The following TULP4 variants were observed in gnomAD, a reference collection of about 807,000 sequenced individuals.
The protein encoded by TULP4 is TUB like protein 4, also known as tubby-related protein 4.
TULP4 carries 16 observed loss-of-function variants against 129.0 expected under a neutral mutation model. The observed-to-expected ratio is 0.12, with a 90% CI of 0.08 to 0.19. The LOEUF is 0.19. Among genes scored for constraint, TULP4 ranks in the 10% least tolerant of loss-of-function variants. TULP4 has a pLI of 1.00. For missense variants in TULP4, 1,842 were observed against 2,059.1 expected (o/e 0.89, Z 2.04); for synonymous variants, 998 against 854.0 (o/e 1.17, Z -2.94).
chr6:158,409,419 GA>G, intron 1 of TULP4, among the ~76,000 whole-genome samples: 1 of 152,326 alleles, frequency 6.6e-6, no homozygotes, highest in East Asian at 1.9e-4. Flanking sequence ...CCCCAAGACA[GA>G]AGTTCTTTGG....
chr6:158,265,655 C>G (rs1262186913), intron 1 of TULP4, among the ~76,000 whole-genome samples: 3 of 150,840 alleles, frequency 2.0e-5, no homozygotes, highest in Non-Finnish European at 4.4e-5. Context: ...GCACTCCAGC[C>G]TGGTGACAGA....
At chr6:158,328,418 A>G (rs1779798218) in intron 1 of TULP4, among the ~76,000 whole-genome samples, 1 of 152,046 alleles carries the variant, frequency 6.6e-6, no homozygotes, top group African/African-American at 2.4e-5. Context: ...GATTCTATGT[A>G]TTTGGCTTTT....
chr6:158,372,020 G>T (rs563076982), intron 1 of TULP4, among the ~76,000 whole-genome samples: 1 of 151,726 alleles, frequency 6.6e-6, no homozygotes, highest in East Asian at 1.9e-4. Flanking sequence ...TCTCCATGTC[G>T]CCCAGGCTGG....
chr6:158,444,496 A>C (rs898699964), intron 3 of TULP4, among the ~76,000 whole-genome samples: 4 of 152,116 alleles, frequency 2.6e-5, no homozygotes, highest in Admixed American at 6.5e-5. Flanking sequence ...CCAATACTAC[A>C]AATTAAACTC....
At chr6:158,430,234 G>A (rs1778597506) in intron 3 of TULP4, among the ~76,000 whole-genome samples, 1 of 152,018 alleles carries the variant, frequency 6.6e-6, no homozygotes. Context: ...ATAGGAAATG[G>A]GATGTTTGGT....
intron 1 of TULP4, among the ~76,000 whole-genome samples, chr6:158,270,556 C>T (rs1304459422): frequency 6.6e-6 from 1 of 152,114 alleles, no homozygotes; most frequent in East Asian, 1.9e-4. Context: ...GTACCGGGGC[C>T]GGTGATGGGC....
At chr6:158,339,340 G>GTGGGAT (rs1780122677) in intron 1 of TULP4, among the ~76,000 whole-genome samples, 1 of 152,150 alleles carries the variant, frequency 6.6e-6, no homozygotes, top group Non-Finnish European at 1.5e-5. Flanking sequence ...GAAGGTCAGG[G>GTGGGAT]CGGGATCACA....
intron 1 of TULP4, among the ~76,000 whole-genome samples, chr6:158,253,622 C>CAGT (rs1778186450): frequency 6.6e-6 from 1 of 151,582 alleles, no homozygotes; most frequent in Non-Finnish European, 1.5e-5. Flanking sequence ...CATGGGTGAC[C>CAGT]AGTAGTAGCT....
intron 1 of TULP4, among the ~76,000 whole-genome samples, chr6:158,348,343 C>T (rs944960367): frequency 5.9e-5 from 9 of 151,816 alleles, no homozygotes; most frequent in Admixed American, 3.3e-4. Context: ...GTGTTTGTGT[C>T]CCTGGGTACT....
At chr6:158,242,047 A>G (rs1208292726) in intron 1 of TULP4, 2 of 794,268 alleles carry the variant, frequency 2.5e-6, no homozygotes, top group African/African-American at 1.7e-5. Context: ...TAGTAACCCT[A>G]CATCCGTTGG....
chr6:158,344,102 C>T (rs893648567), intron 1 of TULP4, among the ~76,000 whole-genome samples: 2 of 152,154 alleles, frequency 1.3e-5, no homozygotes, highest in Non-Finnish European at 2.9e-5. Flanking sequence ...TCTCCTCCAC[C>T]CTTAAGAATG....
At chr6:158,501,414 G>T (rs1780440337) in intron 12 of TULP4, among the ~76,000 whole-genome samples, 1 of 152,162 alleles carries the variant, frequency 6.6e-6, no homozygotes, top group South Asian at 2.1e-4. Flanking sequence ...TGAGGCACTG[G>T]TGCCAAGTTT....
At chr6:158,392,108 G>T (rs977076663) in intron 1 of TULP4, among the ~76,000 whole-genome samples, 1 of 152,180 alleles carries the variant, frequency 6.6e-6, no homozygotes, top group Non-Finnish European at 1.5e-5. Context: ...CACATGGCTA[G>T]GGAGGCCTCA....
In TULP4 at chr6:158,314,122, T is replaced by G; in HGVS notation, c.106T>G (p.Cys36Gly). The G allele has an allele frequency of 6.2e-7, 1 of 1,614,200 alleles. No individual in the cohort carries two copies. The change falls in exon 1 of 14, where the codon TGC becomes GGC. Residue 36 changes from cysteine to glycine, a missense_variant. Cys to Gly is a radical substitution (Grantham distance 159). Around this residue, in one of 5 missense-constraint regions of TULP4, gnomAD observed 151 missense variants for 268.7 expected, o/e 0.56. Coordinates refer to ENST00000367097, the MANE Select transcript of TULP4 (RefSeq NM_020245.5). ...CAAGAGTGAGAAGGAGAAGCCTGTG[T>G]GCAGGAGACGCTACTATGAGGAAGG... The part of the protein sequence containing the change: ...VPKSEKEKPV[C>G]RRRYYEEGWL...
chr6:158,448,992 G>A lies in TULP4; in HGVS notation c.544-4G>A. 1 of 1,603,942 alleles carries A rather than the reference G, an allele frequency of 6.2e-7. No homozygotes were observed. Among genetic ancestry groups the A allele is most frequent in the Non-Finnish European group, 8.5e-7 (1 of 1,173,128 alleles). On this transcript the variant is annotated splice_region_variant and splice_polypyrimidine_tract_variant and intron_variant, in intron 3 of 13. Transcript: ENST00000367097. ...TGGTCAGAGGTCCCCATCCTGGATT[G>A]CAGGTGCTGTTTGGCACGGCCGATG...
chr6:158,477,876 A>G (rs1366849479), intron 6 of TULP4, among the ~76,000 whole-genome samples: 3 of 152,252 alleles, frequency 2.0e-5, no homozygotes, highest in African/African-American at 7.2e-5. Flanking sequence ...TCAGCAGTAG[A>G]CTGGATAAAG....
chr6:158,283,854 C>A (rs887126397), intron 1 of TULP4, among the ~76,000 whole-genome samples: 1 of 152,112 alleles, frequency 6.6e-6, no homozygotes, highest in African/African-American at 2.4e-5. Flanking sequence ...TTTTTCTTCA[C>A]CCTCTGGGAG....
intron 1 of TULP4, among the ~76,000 whole-genome samples, chr6:158,410,773 A>C (rs191729177): frequency 6.6e-6 from 1 of 151,674 alleles, no homozygotes; most frequent in Admixed American, 6.6e-5. Context: ...GTCTAACTTA[A>C]AAAAAAATCA....
intron 13 of TULP4, among the ~76,000 whole-genome samples, chr6:158,504,845 T>C (rs1266073056): frequency 6.6e-6 from 1 of 152,144 alleles, no homozygotes; most frequent in Non-Finnish European, 1.5e-5. Context: ...GACTTTTCTG[T>C]TTTTGGCATC....
Sources: gnomAD v4.1 joint callset for allele counts (sites outside exome capture counted in the v4.1 genomes callset) on GRCh38, gnomAD v4.1.1 for gene constraint, gnomAD v4.1.1 regional missense constraint, MANE v1.5 for transcripts, NCBI Gene and HGNC (gene_info 2026-07-23, HGNC 2026-07-21) for gene names.